The following LINGO2 variants were observed in gnomAD, a reference collection of about 807,000 sequenced individuals.
LINGO2 encodes the protein leucine-rich repeat and immunoglobulin-like domain-containing nogo receptor-interacting protein 2.
LINGO2 carries 14 observed loss-of-function variants against 30.6 expected under a neutral mutation model. That is an observed-to-expected ratio of 0.46 (90% CI 0.30 to 0.72). LINGO2 has a LOEUF of 0.72. Among genes scored for constraint, LINGO2 ranks in the 30% least tolerant of loss-of-function variants. LINGO2 has a pLI of 0.07. For missense variants in LINGO2, 729 were observed against 751.7 expected, an observed-to-expected ratio of 0.97 and a Z score of 0.35; for synonymous variants, 317 against 288.5, an observed-to-expected ratio of 1.10 and a Z score of -1.00.
chr9:28,300,126 GAAA>G (rs11306826), intron 3 of LINGO2, among the ~76,000 whole-genome samples: 7,562 of 131,978 alleles, frequency 0.057, 257 homozygotes, highest in East Asian at 0.19. Flanking sequence ...TTTTCTAATG[GAAA>G]AAAAAAAAAA....
chr9:28,290,731 A>C (rs1823696879), intron 4 of LINGO2, among the ~76,000 whole-genome samples: 1 of 152,288 alleles, frequency 6.6e-6, no homozygotes, highest in African/African-American at 2.4e-5. Context: ...GTGGGTATTT[A>C]GTGAGTTTCA....
chr9:28,051,402 G>A (rs917043389), intron 4 of LINGO2, among the ~76,000 whole-genome samples: 1 of 152,054 alleles, frequency 6.6e-6, no homozygotes, highest in South Asian at 2.1e-4. Context: ...TTTGTCCACT[G>A]ATTCTGGAAA....
the LINGO2 span, among the ~76,000 whole-genome samples, chr9:28,783,272 T>C: frequency 6.6e-6 from 1 of 152,260 alleles, no homozygotes; most frequent in African/African-American, 2.4e-5. Context: ...ATCCCATATA[T>C]GAAATAGCAT....
intron 2 of LINGO2, among the ~76,000 whole-genome samples, chr9:28,374,315 G>C (rs1482567241): frequency 2.0e-5 from 3 of 151,152 alleles, no homozygotes; most frequent in African/African-American, 7.3e-5. Flanking sequence ...AGGTTGAAGA[G>C]GGAACTTTTT....
chr9:28,055,648 G>A (rs1325832762), intron 4 of LINGO2, among the ~76,000 whole-genome samples: 2 of 151,354 alleles, frequency 1.3e-5, no homozygotes, highest in African/African-American at 4.9e-5. Context: ...TTGCTATTAA[G>A]TTTGTTAGGT....
At chr9:28,098,810 T>G (rs546474578) in intron 4 of LINGO2, among the ~76,000 whole-genome samples, 2 of 152,314 alleles carry the variant, frequency 1.3e-5, no homozygotes, top group East Asian at 3.9e-4. Flanking sequence ...GCACCTGTCT[T>G]GACAGGGGTC....
intron 4 of LINGO2, among the ~76,000 whole-genome samples, chr9:28,015,502 T>C (rs1822784205): frequency 6.8e-6 from 1 of 147,736 alleles, no homozygotes; most frequent in Non-Finnish European, 1.5e-5. Flanking sequence ...AGAAAATTAG[T>C]ACTCTTCCTT....
chr9:27,962,012 G>T (rs12003996), intron 5 of LINGO2, among the ~76,000 whole-genome samples: 8,195 of 152,170 alleles, frequency 0.054, 729 homozygotes, highest in African/African-American at 0.19. Context: ...AATGTGTGGG[G>T]TGCCTGGGCA....
chr9:28,649,832 G>T lies in LINGO2; in HGVS notation c.-365+20368C>A, dbSNP rs1416434494. Among the ~76,000 whole-genome samples the T allele has an allele frequency of 2.6e-5, 4 of 151,992 alleles. No individual in the cohort carries two copies. The East Asian group carries it at 5.8e-4, about 22-fold the overall frequency. On this transcript the variant is annotated intron_variant, in intron 1 of 5. Transcript: ENST00000379992. ...GCAGAATGTGAAACAAACAGAAAAA[G>T]GTAATCTAAAGGAAAAACCAAAGAG... is the stretch of plus-strand genomic sequence containing the variant.
At chr9:29,150,826 T>A in the LINGO2 span, among the ~76,000 whole-genome samples, 4 of 152,102 alleles carry the variant, frequency 2.6e-5, no homozygotes, top group African/African-American at 4.8e-5. Flanking sequence ...TTGGCACATA[T>A]ATGTAAGAAT....
intron 4 of LINGO2, among the ~76,000 whole-genome samples, chr9:28,183,299 T>C (rs900540784): frequency 4.0e-5 from 6 of 151,148 alleles, no homozygotes; most frequent in African/African-American, 1.5e-4. Flanking sequence ...CACCAGGGCC[T>C]GTTGAGGGGT....
At chr9:28,905,269 C>T in the LINGO2 span, among the ~76,000 whole-genome samples, 3 of 61,594 alleles carry the variant, frequency 4.9e-5, no homozygotes, top group African/African-American at 1.1e-4. Context: ...GAAGCACAGA[C>T]AACAAAAGCA....
chr9:28,109,610 C>A (rs962509653), intron 4 of LINGO2, among the ~76,000 whole-genome samples: 4 of 152,068 alleles, frequency 2.6e-5, no homozygotes, highest in African/African-American at 7.2e-5. Context: ...AATGGACAAG[C>A]AGAGAGCCAA....
chr9:28,456,227 T>C (rs12000838), intron 2 of LINGO2, among the ~76,000 whole-genome samples: 3,716 of 152,262 alleles, frequency 0.024, 143 homozygotes, highest in African/African-American at 0.083. Flanking sequence ...AAAAGACTTG[T>C]TGAAGTCAAT....
chr9:28,044,905 C>T (rs1824348123), intron 4 of LINGO2, among the ~76,000 whole-genome samples: 1 of 152,018 alleles, frequency 6.6e-6, no homozygotes. Context: ...AGGGCCAAAT[C>T]CAAAGTAATA....
chr9:28,965,591 C>T, the LINGO2 span, among the ~76,000 whole-genome samples: 1 of 152,022 alleles, frequency 6.6e-6, no homozygotes, highest in African/African-American at 2.4e-5. Flanking sequence ...TTTAAAAAAG[C>T]TTACCCAGAG....
At chr9:28,620,029 T>C (rs1826319275) in intron 1 of LINGO2, among the ~76,000 whole-genome samples, 1 of 152,148 alleles carries the variant, frequency 6.6e-6, no homozygotes, top group Non-Finnish European at 1.5e-5. Context: ...CAGAGACTTG[T>C]TTGTCCATGT....
the LINGO2 span, among the ~76,000 whole-genome samples, chr9:28,710,545 C>G: frequency 6.6e-6 from 1 of 151,726 alleles, no homozygotes; most frequent in Non-Finnish European, 1.5e-5. Context: ...TAAAATAGAC[C>G]CTCATCAGCC....
intron 2 of LINGO2, among the ~76,000 whole-genome samples, chr9:28,379,697 G>A (rs1261425707): frequency 1.3e-5 from 2 of 152,062 alleles, no homozygotes; most frequent in Non-Finnish European, 2.9e-5. Flanking sequence ...AGGAAGGTAG[G>A]AAATGAACCT....
Sources: allele counts gnomAD v4.1 joint callset (sites outside exome capture counted in the v4.1 genomes callset), GRCh38; gene constraint gnomAD v4.1.1; transcripts MANE v1.5; gene names NCBI Gene and HGNC (gene_info 2026-07-23, HGNC 2026-07-21).